The following COL14A1 variants were observed in gnomAD, a reference collection of about 807,000 sequenced individuals.
COL14A1 encodes collagen type XIV alpha 1 chain, also known as collagen alpha-1(XIV) chain.
In COL14A1, 136 loss-of-function variants were observed where a neutral mutation model predicts 230.3. That is an observed-to-expected ratio of 0.59 (90% confidence interval 0.51 to 0.68). The LOEUF (loss-of-function observed/expected upper bound fraction) is 0.68, where lower values mean the gene tolerates loss of function less well. COL14A1 is among the 30% of genes least tolerant of loss of function. The probability of loss-of-function intolerance (pLI) is 0.00; values close to 1 mark genes in which losing one functional copy is unlikely to be tolerated. For missense variants in COL14A1, 1,976 were observed against 2,215.8 expected (o/e 0.89, Z 2.17); for synonymous variants, 792 against 784.1 (o/e 1.01, Z -0.17).
chr8:120,279,552 G>T (rs1416285174), intron 28 of COL14A1, among the ~76,000 whole-genome samples: 1 of 136,660 alleles, frequency 7.3e-6, no homozygotes, highest in Non-Finnish European at 1.6e-5. Flanking sequence ...TTCTACTTCT[G>T]AAAAAAAAAA....
intron 1 of COL14A1, among the ~76,000 whole-genome samples, chr8:120,136,838 G>A (rs1306404752): frequency 2.0e-5 from 3 of 151,700 alleles, no homozygotes; most frequent in Admixed American, 6.6e-5. Flanking sequence ...GGTGGCATGC[G>A]CCTGTAGTCC....
At chr8:120,208,524 C>G (rs1326550470) in intron 11 of COL14A1, among the ~76,000 whole-genome samples, 163 bp downstream of exon 11, 1 of 152,026 alleles carries the variant, frequency 6.6e-6, no homozygotes, top group Non-Finnish European at 1.5e-5. Context: ...CTGGTCCATG[C>G]TTGATATAGT....
intron 3 of COL14A1, among the ~76,000 whole-genome samples, chr8:120,160,506 G>A (rs1414980452): frequency 6.6e-6 from 1 of 152,122 alleles, no homozygotes; most frequent in Non-Finnish European, 1.5e-5. Flanking sequence ...CTTGAAGAGT[G>A]CACCCAAGAA....
intron 1 of COL14A1, among the ~76,000 whole-genome samples, chr8:120,144,167 A>G (rs1219438093): frequency 6.7e-6 from 1 of 149,270 alleles, no homozygotes; most frequent in Non-Finnish European, 1.5e-5. Flanking sequence ...GGAGTTGGAC[A>G]GAAACAATCT....
intron 14 of COL14A1, among the ~76,000 whole-genome samples, chr8:120,220,319 G>A (rs1776166223): frequency 6.9e-6 from 1 of 145,698 alleles, no homozygotes; most frequent in South Asian, 2.1e-4. Flanking sequence ...TTGTCTCCAG[G>A]CTGGAGTGCA....
intron 45 of COL14A1, 54 bp downstream of exon 45, chr8:120,345,617 C>A: frequency 7.1e-7 from 1 of 1,401,036 alleles, no homozygotes; most frequent in South Asian, 1.6e-5. Context: ...TGCAGGGAAG[C>A]AGAACATTAT....
intron 5 of COL14A1, among the ~76,000 whole-genome samples, chr8:120,191,476 A>C (rs1228813729): frequency 2.0e-5 from 3 of 150,206 alleles, no homozygotes; most frequent in African/African-American, 4.9e-5. Context: ...TATGTGGTCA[A>C]TTTTGGAATA....
intron 40 of COL14A1, among the ~76,000 whole-genome samples, chr8:120,322,078 A>G (rs1388318618): frequency 6.6e-6 from 1 of 151,860 alleles, no homozygotes; most frequent in East Asian, 1.9e-4. Context: ...GTTTATATTT[A>G]TATATATACA....
At chr8:120,259,408 CA>C (rs1819259382) in intron 23 of COL14A1, among the ~76,000 whole-genome samples, 2 of 151,858 alleles carry the variant, frequency 1.3e-5, no homozygotes, top group African/African-American at 4.8e-5. Flanking sequence ...CCCTGTGTTT[CA>C]AAAAAATAAA....
In COL14A1 at chr8:120,343,400, C is replaced by T. The variant is rs7834559; in HGVS notation, c.4888+954C>T. On this transcript the variant is annotated intron_variant, in intron 44 of 47. Transcript: ENST00000297848. ...TGGCTTGGGGTTATATTTATTTTAA[C>T]TCAAGAAAGTTTGGGAGTTAGGCCA... Among the ~76,000 whole-genome samples, 668 of 152,284 alleles carry T rather than the reference C, an allele frequency of 4.4e-3. 5 individuals carry two copies. The highest frequency in any genetic ancestry group is 0.014 in the African/African-American group (593 of 41,550).
intron 1 of COL14A1, among the ~76,000 whole-genome samples, chr8:120,133,173 G>A (rs1302287831): frequency 1.1e-4 from 17 of 149,584 alleles, no homozygotes; most frequent in African/African-American, 3.9e-4. Flanking sequence ...TTGAGATCGC[G>A]CCACTGCACT....
At chr8:120,225,315 T>A (rs1343252122) in intron 15 of COL14A1, 101 bp downstream of exon 15, 1 of 997,670 alleles carries the variant, frequency 1.0e-6, no homozygotes, top group Non-Finnish European at 1.4e-6. Flanking sequence ...TTGAAGAGAT[T>A]AAATTTTAAT....
Position 120,207,112 on chromosome 8 carries a change from T to A in COL14A1, c.1191+18T>A. On this transcript the variant is annotated intron_variant, in intron 10 of 47. Coordinates refer to ENST00000297848, the MANE Select transcript of COL14A1 (RefSeq NM_021110.4). ...CAGACGAGGTAATAAGGAGAGAGTA[T>A]TTTCAAACCATTCTTTTTATTCTCT... 1.3e-6 allele frequency: 2 copies of A among 1,594,328 alleles called. No individual in the cohort carries two copies. The highest frequency in any genetic ancestry group is 8.5e-7 in the Non-Finnish European group (1 of 1,171,532).
intron 7 of COL14A1, among the ~76,000 whole-genome samples, 187 bp downstream of exon 7, chr8:120,198,117 T>C (rs1817106322): frequency 6.6e-6 from 1 of 152,164 alleles, no homozygotes; most frequent in Admixed American, 6.6e-5. Flanking sequence ...TTTTACTCTA[T>C]GACTATAATG....
At chr8:120,130,583 TAAAG>T (rs1814495925) in intron 1 of COL14A1, among the ~76,000 whole-genome samples, 1 of 151,952 alleles carries the variant, frequency 6.6e-6, no homozygotes, top group Non-Finnish European at 1.5e-5. Flanking sequence ...AAAAGCAAAA[TAAAG>T]AAAGCCTACG....
intron 5 of COL14A1, among the ~76,000 whole-genome samples, chr8:120,191,472 G>T (rs1381184660): frequency 1.3e-5 from 2 of 150,200 alleles, no homozygotes; most frequent in African/African-American, 4.9e-5. Context: ...CAACTATGTG[G>T]TCAATTTTGG....
chr8:120,291,951 C>T (rs999193683), intron 34 of COL14A1, among the ~76,000 whole-genome samples: 2 of 152,226 alleles, frequency 1.3e-5, no homozygotes, highest in South Asian at 2.1e-4. Flanking sequence ...TACTGATGAA[C>T]AGAGTAAGTT....
At chr8:120,289,498 A>G in intron 33 of COL14A1, 110 bp from the exon 34 acceptor site, 198 of 840,538 alleles carry the variant, frequency 2.4e-4, no homozygotes, top group Non-Finnish European at 3.4e-4. Flanking sequence ...TGGTGACAGA[A>G]TTCTTTCTCT....
chr8:120,174,405 C>G (rs1816207695), intron 5 of COL14A1, among the ~76,000 whole-genome samples: 1 of 152,048 alleles, frequency 6.6e-6, no homozygotes, highest in Non-Finnish European at 1.5e-5. Flanking sequence ...GTATTCTTTC[C>G]CCTAACGCAC....
Sources: gnomAD v4.1 joint callset for allele counts (sites outside exome capture counted in the v4.1 genomes callset) on GRCh38, gnomAD v4.1.1 for gene constraint, MANE v1.5 for transcripts, NCBI Gene and HGNC (gene_info 2026-07-23, HGNC 2026-07-21) for gene names.